PTPRD: variants seen among roughly 807,000 people sequenced by gnomAD.
PTPRD encodes the protein receptor-type tyrosine-protein phosphatase delta.
In PTPRD, 34 loss-of-function variants were observed where a neutral mutation model predicts 214.5. That is an observed-to-expected ratio of 0.16 (90% CI 0.12 to 0.21). PTPRD has a LOEUF of 0.21. PTPRD is among the 10% of genes least tolerant of loss of function. The pLI, the probability that PTPRD is intolerant of heterozygous loss-of-function variation, is 1.00. For synonymous variants in PTPRD, 1,128 were observed against 845.7 expected (o/e 1.33, Z -5.79); for missense variants, 2,545 against 2,398.7 (o/e 1.06, Z -1.27).
chr9:10,406,793 G>A lies in PTPRD; in HGVS notation c.-599-65776C>T, dbSNP rs544933019. On this transcript the variant is annotated intron_variant, in intron 2 of 45. Coordinates refer to ENST00000381196, the MANE Select transcript of PTPRD (RefSeq NM_002839.4). ...GCATGGGTGAGCAAGAAAAATAGAT[G>A]TAAAAAGATTTTGAAAATTGTTAGA... Among the ~76,000 whole-genome samples the A allele has an allele frequency of 3.0e-5, 4 of 135,572 alleles. No homozygotes were observed. The Admixed American group carries it at 3.0e-4, about 10-fold the overall frequency. 88.9% of individuals were successfully genotyped at this position (135,572 alleles called of 152,430 possible).
In PTPRD at chr9:8,376,171, T is replaced by A. The variant is rs547489531; in HGVS notation, c.4507-81A>T. The A allele has an allele frequency of 4.7e-6, 7 of 1,500,056 alleles. No individual in the cohort carries two copies. In the Admixed American group the frequency reaches 1.1e-4, roughly 24 times the overall value. 92.9% of individuals were successfully genotyped at this position (1,500,056 alleles called of 1,614,324 possible). On this transcript the variant is annotated intron_variant, in intron 38 of 45. Transcript: ENST00000381196. The stretch of plus-strand genomic sequence containing the variant: ...ATGAATAACAGGGAAGAGGTAATGC[T>A]AAAATGTGCTATTTTAATTCCTTTC...
At chr9:10,030,418 T>C (rs902692556) in intron 4 of PTPRD, among the ~76,000 whole-genome samples, 2 of 152,204 alleles carry the variant, frequency 1.3e-5, no homozygotes, top group Non-Finnish European at 2.9e-5. Context: ...CGAATAGATA[T>C]GTTGATTTGT....
chr9:9,980,535 G>T (rs187281878), intron 4 of PTPRD, among the ~76,000 whole-genome samples: 2 of 142,182 alleles, frequency 1.4e-5, no homozygotes, highest in African/African-American at 5.2e-5. Context: ...TTGAACCCGG[G>T]GGGGCAAAGG....
At chr9:9,991,274 C>T (rs1396997750) in intron 4 of PTPRD, among the ~76,000 whole-genome samples, 1 of 151,588 alleles carries the variant, frequency 6.6e-6, no homozygotes, top group Non-Finnish European at 1.5e-5. Context: ...GGAAAAATTT[C>T]TTATACAGAA....
intron 27 of PTPRD, among the ~76,000 whole-genome samples, chr9:8,486,991 G>GT (rs1327117973): frequency 2.8e-5 from 4 of 145,420 alleles, no homozygotes; most frequent in East Asian, 2.1e-4. Flanking sequence ...TTGCTTAAAA[G>GT]TTTAAAAAAA....
intron 4 of PTPRD, among the ~76,000 whole-genome samples, chr9:10,020,250 C>T (rs188601210): frequency 1.9e-3 from 290 of 152,172 alleles, no homozygotes; most frequent in Middle Eastern, 3.4e-3. Flanking sequence ...AATTTGGCAC[C>T]GCACAATACT....
chr9:9,122,372 T>C (rs569023855), intron 10 of PTPRD, among the ~76,000 whole-genome samples: 2 of 152,302 alleles, frequency 1.3e-5, no homozygotes, highest in African/African-American at 4.8e-5. Flanking sequence ...ATCAAAGATA[T>C]ATAATATTTC....
intron 11 of PTPRD, among the ~76,000 whole-genome samples, chr9:8,973,111 T>A (rs1260059435): frequency 2.6e-5 from 4 of 151,972 alleles, no homozygotes; most frequent in Admixed American, 6.6e-5. Flanking sequence ...TCAGCTTTGA[T>A]TTTAGACACA....
At chr9:9,541,318 G>C (rs1270461058) in intron 8 of PTPRD, among the ~76,000 whole-genome samples, 1 of 151,690 alleles carries the variant, frequency 6.6e-6, no homozygotes, top group Non-Finnish European at 1.5e-5. Context: ...TATACTACTA[G>C]ACTGAGAGGT....
At chr9:9,434,095 C>T (rs187384713) in intron 8 of PTPRD, among the ~76,000 whole-genome samples, 2 of 152,136 alleles carry the variant, frequency 1.3e-5, no homozygotes, top group African/African-American at 4.8e-5. Flanking sequence ...TAAAACCACA[C>T]TTTCTGGAAT....
chr9:8,360,711 T>A (rs1460941774), intron 39 of PTPRD, among the ~76,000 whole-genome samples: 2 of 152,208 alleles, frequency 1.3e-5, no homozygotes, highest in Non-Finnish European at 2.9e-5. Flanking sequence ...TAGTAGTTCA[T>A]CATCTCGTTT....
At chr9:10,432,142 T>A (rs924520881) in intron 2 of PTPRD, among the ~76,000 whole-genome samples, 12 of 151,762 alleles carry the variant, frequency 7.9e-5, no homozygotes, top group Non-Finnish European at 1.6e-4. Context: ...TGTAGGGACA[T>A]GGATGAAATT....
intron 5 of PTPRD, among the ~76,000 whole-genome samples, chr9:9,779,530 T>TA (rs541623688): frequency 2.0e-5 from 3 of 152,036 alleles, no homozygotes; most frequent in Admixed American, 1.3e-4. Flanking sequence ...TAACTTTATT[T>TA]AAAAAAATGG....
intron 11 of PTPRD, among the ~76,000 whole-genome samples, chr9:8,934,491 AT>A (rs1683518751): frequency 2.7e-4 from 2 of 7,308 alleles, no homozygotes; most frequent in Non-Finnish European, 5.3e-4. Flanking sequence ...ATATATATAT[AT>A]AAATATATAT....
intron 3 of PTPRD, among the ~76,000 whole-genome samples, chr9:10,110,135 G>A (rs79963084): frequency 0.011 from 1,647 of 152,220 alleles, 18 homozygotes; most frequent in Non-Finnish European, 0.017. Context: ...GACACAAACC[G>A]TCTGCTAAGT....
intron 4 of PTPRD, among the ~76,000 whole-genome samples, chr9:9,990,064 C>T (rs192737179): frequency 2.0e-5 from 3 of 152,312 alleles, no homozygotes; most frequent in Admixed American, 2.0e-4. Context: ...TGTCCTCGGA[C>T]TTTCCTCTGA....
intron 9 of PTPRD, among the ~76,000 whole-genome samples, chr9:9,377,613 C>G (rs555133426): frequency 3.9e-5 from 6 of 152,124 alleles, no homozygotes; most frequent in Non-Finnish European, 8.8e-5. Flanking sequence ...ATCCAACCCC[C>G]AGCTTTACAT....
At chr9:9,244,284 T>C (rs2099971856) in intron 9 of PTPRD, among the ~76,000 whole-genome samples, 1 of 152,052 alleles carries the variant, frequency 6.6e-6, no homozygotes, top group Non-Finnish European at 1.5e-5. Flanking sequence ...TGGAAAAAAC[T>C]ACTTTAAGGT....
chr9:8,628,821 G>A (rs2096142550), intron 14 of PTPRD, among the ~76,000 whole-genome samples: 1 of 151,768 alleles, frequency 6.6e-6, no homozygotes. Context: ...ATCACTTGAT[G>A]AAATATATTT....
Sources: gnomAD v4.1 joint callset for allele counts (sites outside exome capture counted in the v4.1 genomes callset) on GRCh38, gnomAD v4.1.1 for gene constraint, MANE v1.5 for transcripts, NCBI Gene and HGNC (gene_info 2026-07-23, HGNC 2026-07-21) for gene names.